The following NCKIPSD variants were observed in gnomAD, a reference collection of about 807,000 sequenced individuals.
The protein encoded by NCKIPSD is NCK-interacting protein with SH3 domain.
In NCKIPSD, 48 loss-of-function variants were observed where a neutral mutation model predicts 73.4. That is an observed-to-expected ratio of 0.65 (90% CI 0.52 to 0.83). The LOEUF is 0.83. NCKIPSD is among the 40% of genes least tolerant of loss of function. The pLI is 0.00. For missense variants in NCKIPSD, 884 were observed against 970.2 expected (o/e 0.91, Z 1.18); for synonymous variants, 422 against 403.6 (o/e 1.05, Z -0.54).
Position 48,678,559 on chromosome 3 carries a change from G to A in NCKIPSD, c.1965+5C>T, listed in dbSNP as rs1225412966. On this transcript the variant is annotated splice_donor_5th_base_variant and intron_variant, in intron 12 of 12. Coordinates refer to ENST00000294129, the MANE Select transcript of NCKIPSD (RefSeq NM_016453.4). ...ACCCCCGCTGCTGCAGCCACCTCCA[G>A]GCACCTTGTCTCCTGGTGACAGGTC... 6.2e-7 allele frequency: 1 copy of A among 1,606,242 alleles called. No individual in the cohort carries two copies. Among genetic ancestry groups the A allele is most frequent in the East Asian group, 2.2e-5 (1 of 44,782 alleles).
Position 48,679,116 on chromosome 3 carries a change from G to A in NCKIPSD, c.1638C>T (p.Thr546=), listed in dbSNP as rs750337731. ...NIVEDGLPLD[T]TEQLPDLCVN... The stretch of plus-strand genomic sequence containing the variant: ...CGCAGAGGTCCGGCAGCTGCTCTGT[G>A]GTGTCCAAGGGCAGCCCATCCTCGA... The change falls in exon 10 of 13, where the codon ACC becomes ACT. Residue 546 remains threonine, a synonymous_variant. Coordinates refer to ENST00000294129, the MANE Select transcript of NCKIPSD (RefSeq NM_016453.4). The A allele has an allele frequency of 3.1e-6, 5 of 1,614,034 alleles. No homozygotes were observed. The highest frequency in any genetic ancestry group is 1.3e-5 in the African/African-American group (1 of 74,926).
rs865918106 is a variant in NCKIPSD at position 48,681,636 on chromosome 3, C to T, written c.743G>A (p.Arg248His). 75 of 1,612,576 alleles carry T rather than the reference C, an allele frequency of 4.7e-5. No individual in the cohort carries two copies. In the Admixed American group the frequency reaches 7.0e-4, roughly 15 times the overall value. Residue 248 changes from arginine (R) to histidine (H), a missense_variant, in exon 5 of 13, where the codon CGC (arginine) becomes CAC (histidine). By Grantham distance (29) the Arg-to-His change is conservative. Transcript: ENST00000294129. ...SCSPTPPPVPRRGTHTTVSQV... is the reference protein window; with the variant it reads ...SCSPTPPPVPHRGTHTTVSQV... The stretch of plus-strand genomic sequence containing the variant: ...GGACACGGTGGTGTGGGTGCCTCGG[C>T]GGGGCACAGGTGGGGGTGTGGGTGA...
rs771724710 is a variant in NCKIPSD, at chr3:48,681,476, C to G, written c.903G>C (p.Lys301Asn). 5 of 1,614,196 alleles carry G rather than the reference C, an allele frequency of 3.1e-6. No individual in the cohort carries two copies. The highest frequency in any genetic ancestry group is 2.2e-5 in the East Asian group (1 of 44,894). ...GTLSLGTTEE[K>N]AAAEAAVPRT... is the part of the protein sequence containing the mutation. The stretch of plus-strand genomic sequence containing the variant: ...TGGGCACAGCCGCCTCAGCTGCTGC[C>G]TTCTCCTCTGTGGTCCCCAGGCTCA... The change falls in exon 5 of 13, where the codon AAG becomes AAC. Residue 301 changes from lysine (K) to asparagine (N), a missense_variant. Coordinates refer to ENST00000294129, the MANE Select transcript of NCKIPSD (RefSeq NM_016453.4).
chr3:48,685,817 C>A lies in NCKIPSD; in HGVS notation c.-10G>T. 1 of 1,467,914 alleles carries A rather than the reference C, an allele frequency of 6.8e-7. No individual in the cohort carries two copies. Among genetic ancestry groups the A allele is most frequent in the Non-Finnish European group, 8.9e-7 (1 of 1,118,076 alleles). 90.9% of individuals were successfully genotyped at this position (1,467,914 alleles called of 1,614,324 possible). ...ACAGCGCGCGGTACATGAGGCCGGG[C>A]AGGGCAGGTGCAGGGAAGGTGGCAA... On this transcript the variant is annotated 5_prime_UTR_variant, in exon 1 of 13. Coordinates refer to ENST00000294129, the MANE Select transcript of NCKIPSD (RefSeq NM_016453.4).
rs1010247008 is a variant in NCKIPSD, at chr3:48,682,733, G to C, written c.281+170C>G. The C allele has an allele frequency of 7.3e-5, 83 of 1,136,214 alleles. No homozygotes were observed. The South Asian group carries it at 1.2e-3, about 17-fold the overall frequency. The allele number at this position is 1,136,214 out of a possible 1,614,324, so 70.4% of individuals were successfully genotyped here. On this transcript the variant is annotated intron_variant, in intron 2 of 12. Coordinates refer to ENST00000294129, the MANE Select transcript of NCKIPSD (RefSeq NM_016453.4). ...TCAGTCCTGCGCTCTGCACACCCCT[G>C]GTGCTCACTGAAGGACCCGACCCCA...
In NCKIPSD at chr3:48,685,662, G is replaced by A. The variant is rs1347348988; in HGVS notation, c.146C>T (p.Pro49Leu). 2.0e-6 allele frequency: 3 copies of A among 1,525,656 alleles called. No homozygotes were observed. Among genetic ancestry groups the A allele is most frequent in the Admixed American group, 4.0e-5 (2 of 50,374 alleles). 94.5% of individuals were successfully genotyped at this position (1,525,656 alleles called of 1,614,324 possible). A position where few individuals can be genotyped will look rare whatever the true frequency, so the allele number is the denominator to read the frequency against. ...RARSGETGYV[P>L]PAYLRRLQGL... ...CTGCAGGCGGCGCAGGTAGGCTGGC[G>A]GCACGTAGCCCGTCTCACCACTGCG... Residue 49 changes from proline to leucine, a missense_variant, in exon 1 of 13, where the codon CCG becomes CTG. Pro to Leu is a moderately conservative substitution (Grantham distance 98, BLOSUM62 -3). Coordinates refer to ENST00000294129, the MANE Select transcript of NCKIPSD (RefSeq NM_016453.4).
chr3:48,675,304 G>T (rs921546334), intron 12 of NCKIPSD, among the ~76,000 whole-genome samples: 1 of 151,630 alleles, frequency 6.6e-6, no homozygotes, highest in African/African-American at 2.4e-5. Flanking sequence ...CACTGTTGCC[G>T]ATTCAAAAGC....
rs1197860020 is a variant in NCKIPSD at position 48,679,601 on chromosome 3, G to A, written c.1463C>T (p.Ala488Val). 13 of 1,614,016 alleles carry A rather than the reference G, an allele frequency of 8.1e-6. No homozygotes were observed. The highest frequency in any genetic ancestry group is 1.3e-5 in the African/African-American group (1 of 74,912). The change falls in exon 8 of 13, where the codon GCG (alanine) becomes GTG (valine). Residue 488 changes from alanine (A) to valine (V), a missense_variant. Transcript: ENST00000294129. ...CTGCGTGTCTGTCTGCATGTCCCTC[G>A]CCAGCTCTACAGGCAGCACGGATGA... The part of the protein sequence containing the change: ...LVSSVLPVEL[A>V]RDMQTDTQDH...
At position 48,679,877 on chromosome 3, in the gene NCKIPSD, T is replaced by C; in HGVS notation, c.1274A>G (p.Asp425Gly). 1 of 1,614,160 alleles carries C rather than the reference T, an allele frequency of 6.2e-7. No individual in the cohort carries two copies. The highest frequency in any genetic ancestry group is 8.5e-7 in the Non-Finnish European group (1 of 1,180,034). The change falls in exon 7 of 13, where the codon GAC (aspartate) becomes GGC (glycine). Residue 425 changes from aspartate to glycine, a missense_variant. Physicochemically the swap from Asp to Gly is moderately conservative, Grantham distance 94. Transcript: ENST00000294129. ...EELLHILTDA[D>G]PEVCKKMCKR... ...GCACATTTTCTTGCAAACTTCAGGG[T>C]CTGCATCAGTCTACAGAAATGAGGA...
intron 1 of NCKIPSD, 22 bp from the exon 2 acceptor site, chr3:48,683,034 A>G: frequency 6.5e-7 from 1 of 1,548,582 alleles, no homozygotes; most frequent in Non-Finnish European, 8.7e-7. Flanking sequence ...AGGGGACAGC[A>G]GTTAGACCTG....
At chr3:48,675,620 C>T (rs2077245719) in intron 12 of NCKIPSD, among the ~76,000 whole-genome samples, 1 of 150,354 alleles carries the variant, frequency 6.7e-6, no homozygotes, top group Non-Finnish European at 1.5e-5. Context: ...TGGCTCACTG[C>T]AACCTCTGAC....
In NCKIPSD at chr3:48,681,623, G is replaced by A. The variant is rs780927981; in HGVS notation, c.756C>T (p.His252=). ...TPPPVPRRGT[H]TTVSQVQPPP... Reference sequence around the variant, plus strand: ...GGGGCTGGACTTGGGACACGGTGGTGTGGGTGCCTCGGCGGGGCACAGGTG... The same window carrying A: ...GGGGCTGGACTTGGGACACGGTGGTATGGGTGCCTCGGCGGGGCACAGGTG... The change falls in exon 5 of 13, where the codon CAC becomes CAT. Residue 252 remains histidine (H), a synonymous_variant. Transcript: ENST00000294129. The A allele has an allele frequency of 8.1e-6, 13 of 1,613,930 alleles. No homozygotes were observed. The East Asian group carries it at 2.9e-4, about 36-fold the overall frequency.
In NCKIPSD at chr3:48,685,874, CGCCGA is replaced by C; in HGVS notation, c.-72_-68del. On this transcript the variant is annotated 5_prime_UTR_variant, in exon 1 of 13. Coordinates refer to ENST00000294129, the MANE Select transcript of NCKIPSD (RefSeq NM_016453.4). Reference sequence around the variant, plus strand: ...CGGCGCCACAACGCCAGGCCGGGAGCGCCGAGCCGCGCCGCGGTTGTCCCGCCCCG... The same window carrying C: ...CGGCGCCACAACGCCAGGCCGGGAGCGCCGCGCCGCGGTTGTCCCGCCCCG... 7.6e-7 allele frequency: 1 copy of C among 1,311,792 alleles called. No homozygotes were observed. Among genetic ancestry groups the C allele is most frequent in the Non-Finnish European group, 9.7e-7 (1 of 1,026,550 alleles). 81.3% of individuals were successfully genotyped at this position (1,311,792 alleles called of 1,614,324 possible). A position where few individuals can be genotyped will look rare whatever the true frequency, so the allele number is the denominator to read the frequency against.
At position 48,685,817 on chromosome 3, in the gene NCKIPSD, C is replaced by G. The variant is rs2077429603; in HGVS notation, c.-10G>C. 6.8e-7 allele frequency: 1 copy of G among 1,467,914 alleles called. No homozygotes were observed. Among genetic ancestry groups the G allele is most frequent in the Non-Finnish European group, 8.9e-7 (1 of 1,118,076 alleles). 90.9% of individuals were successfully genotyped at this position (1,467,914 alleles called of 1,614,324 possible). On this transcript the variant is annotated 5_prime_UTR_variant, in exon 1 of 13. Transcript: ENST00000294129. ...ACAGCGCGCGGTACATGAGGCCGGG[C>G]AGGGCAGGTGCAGGGAAGGTGGCAA... is the stretch of plus-strand genomic sequence containing the variant.
chr3:48,682,533 T>G lies in NCKIPSD; in HGVS notation c.301A>C (p.Lys101Gln), dbSNP rs745341915. 6.2e-7 allele frequency: 1 copy of G among 1,614,030 alleles called. No homozygotes were observed. The part of the protein sequence containing the change: ...GVLQKLIHHR[K>Q]ETLSRRGPSA... ...GGGCCTCTGCGTGACAGGGTCTCTTTCCGGTGGTGGATCAGCTTCCTGATG... is the reference window on the plus strand; with the variant it reads ...GGGCCTCTGCGTGACAGGGTCTCTTGCCGGTGGTGGATCAGCTTCCTGATG... The change falls in exon 3 of 13, where the codon AAA (lysine) becomes CAA (glutamine). Residue 101 changes from lysine to glutamine, a missense_variant. Coordinates refer to ENST00000294129, the MANE Select transcript of NCKIPSD (RefSeq NM_016453.4).
At position 48,674,338 on chromosome 3, in the gene NCKIPSD, C is replaced by T; in HGVS notation, c.*206G>A. 1 of 1,421,074 alleles carries T rather than the reference C, an allele frequency of 7.0e-7. No individual in the cohort carries two copies. The highest frequency in any genetic ancestry group is 9.2e-7 in the Non-Finnish European group (1 of 1,090,100). The allele number at this position is 1,421,074 out of a possible 1,614,324, so 88.0% of individuals were successfully genotyped here. A position where few individuals can be genotyped will look rare whatever the true frequency, so the allele number is the denominator to read the frequency against. On this transcript the variant is annotated 3_prime_UTR_variant, in exon 13 of 13. Coordinates refer to ENST00000294129, the MANE Select transcript of NCKIPSD (RefSeq NM_016453.4). The stretch of plus-strand genomic sequence containing the variant: ...ATAGAGGGGCTTTAGCTTGCATATT[C>T]CCCCTGCCCCAGAACAGCTCCCAGA...
In NCKIPSD at chr3:48,681,365, T is replaced by G; in HGVS notation, c.1014A>C (p.Ile338=). The G allele has an allele frequency of 6.2e-7, 1 of 1,611,878 alleles. No individual in the cohort carries two copies. Among genetic ancestry groups the G allele is most frequent in the Non-Finnish European group, 8.5e-7 (1 of 1,179,024 alleles). ...GCACCGAGGCCTGGATGTGACCCAC[T>G]ATGATGCCGATGGCCACCCGGCATA... ...HELCRVAIGI[I]VGHIQASVPA... Residue 338 remains isoleucine (I), a synonymous_variant, in exon 5 of 13, where the codon ATA becomes ATC. Transcript: ENST00000294129.
In NCKIPSD at chr3:48,678,985, G is replaced by C. The variant is rs1479432558; in HGVS notation, c.1700-16C>G. The C allele has an allele frequency of 6.2e-7, 1 of 1,614,108 alleles. No homozygotes were observed. Among genetic ancestry groups the C allele is most frequent in the African/African-American group, 1.3e-5 (1 of 75,014 alleles). On this transcript the variant is annotated splice_polypyrimidine_tract_variant and intron_variant, in intron 10 of 12. Transcript: ENST00000294129. ...TGGTCAGCAGCTAAGGAAGGACATG[G>C]GTATAGACAGGGTGCTGAGCCTGAG...
Position 48,685,877 on chromosome 3 carries a change from C to G in NCKIPSD, c.-70G>C. 3 of 1,311,310 alleles carry G rather than the reference C, an allele frequency of 2.3e-6. No homozygotes were observed. The highest frequency in any genetic ancestry group is 2.9e-6 in the Non-Finnish European group (3 of 1,026,442). The allele number at this position is 1,311,310 out of a possible 1,614,324, so 81.2% of individuals were successfully genotyped here. A position where few individuals can be genotyped will look rare whatever the true frequency, so the allele number is the denominator to read the frequency against. The stretch of plus-strand genomic sequence containing the variant: ...CGCCACAACGCCAGGCCGGGAGCGC[C>G]GAGCCGCGCCGCGGTTGTCCCGCCC... On this transcript the variant is annotated 5_prime_UTR_variant, in exon 1 of 13. Transcript: ENST00000294129.
Sources: allele counts gnomAD v4.1 joint callset (sites outside exome capture counted in the v4.1 genomes callset), GRCh38; gene constraint gnomAD v4.1.1; transcripts MANE v1.5; gene names NCBI Gene and HGNC (gene_info 2026-07-23, HGNC 2026-07-21).